Variants in ZC3H13 observed in about 807,000 individuals in gnomAD.
ZC3H13 encodes zinc finger CCCH-type containing 13, also known as zinc finger CCCH domain-containing protein 13.
In ZC3H13, 64 loss-of-function variants were observed where a neutral mutation model predicts 204.1. The observed-to-expected ratio is 0.31, with a 90% confidence interval of 0.26 to 0.39. The LOEUF is 0.39. Among genes scored for constraint, ZC3H13 ranks in the 10% least tolerant of loss-of-function variants. The probability of loss-of-function intolerance (pLI) is 1.00; values close to 1 mark genes in which losing one functional copy is unlikely to be tolerated. For missense variants in ZC3H13, 1,833 were observed against 2,082.7 expected (o/e 0.88, Z 2.33); for synonymous variants, 667 against 693.7 (o/e 0.96, Z 0.60).
At chr13:46,009,628 A>G (rs1471864804) in intron 7 of ZC3H13, among the ~76,000 whole-genome samples, 2 of 152,046 alleles carry the variant, frequency 1.3e-5, no homozygotes, top group Admixed American at 6.6e-5. Context: ...AGATAAAATT[A>G]GGGTATGGAC....
chr13:46,012,184 A>G (rs1566281593), intron 5 of ZC3H13, among the ~76,000 whole-genome samples: 3 of 152,214 alleles, frequency 2.0e-5, no homozygotes, highest in African/African-American at 7.2e-5. Flanking sequence ...ATCTGATGCC[A>G]TATTTCTATT....
intron 18 of ZC3H13, among the ~76,000 whole-genome samples, chr13:45,958,221 A>G (rs1203612728): frequency 6.6e-6 from 1 of 152,106 alleles, no homozygotes; most frequent in Non-Finnish European, 1.5e-5. Flanking sequence ...CCTACCCACT[A>G]CCCTAAATCT....
intron 4 of ZC3H13, among the ~76,000 whole-genome samples, chr13:46,023,740 A>C (rs1171027419): frequency 4.6e-5 from 7 of 152,220 alleles, no homozygotes; most frequent in Non-Finnish European, 7.3e-5. Flanking sequence ...CTTCAGGCCT[A>C]AGTGACTTAG....
Position 45,969,961 on chromosome 13 carries a change from G to A in ZC3H13, c.2583C>T (p.His861=). Residue 861 remains histidine (H), a synonymous_variant, in exon 14 of 19, where the codon CAC becomes CAT. Coordinates refer to ENST00000679008, the MANE Select transcript of ZC3H13 (RefSeq NM_001330564.2). ...GTCGTACAACTTGGCTCAAGAGTCTGTGTTTTTCATCTATATAAAAGATAA... is the reference window on the plus strand; with the variant it reads ...GTCGTACAACTTGGCTCAAGAGTCTATGTTTTTCATCTATATAAAAGATAA... ...YNSGDDKNEK[H]RLLSQVVRPQ... is the part of the protein sequence containing the mutation. 6.2e-7 allele frequency: 1 copy of A among 1,606,842 alleles called. No homozygotes were observed. The highest frequency in any genetic ancestry group is 8.5e-7 in the Non-Finnish European group (1 of 1,178,144).
chr13:46,017,768 G>C (rs752845124), intron 5 of ZC3H13, among the ~76,000 whole-genome samples: 6 of 152,090 alleles, frequency 3.9e-5, no homozygotes, highest in Non-Finnish European at 8.8e-5. Flanking sequence ...TAACAATGCA[G>C]AAGGTAAGTC....
intron 7 of ZC3H13, among the ~76,000 whole-genome samples, chr13:46,009,413 TG>T: frequency 6.6e-6 from 1 of 152,174 alleles, no homozygotes; most frequent in Admixed American, 6.5e-5. Flanking sequence ...TTCACCTGTG[TG>T]GGTGGTGGGT....
chr13:45,967,209 T>C (rs1024743870), intron 15 of ZC3H13, among the ~76,000 whole-genome samples: 2 of 152,212 alleles, frequency 1.3e-5, no homozygotes, highest in Non-Finnish European at 2.9e-5. Context: ...AAGAAAAGGA[T>C]GTGATGGTTA....
chr13:45,984,336 C>T (rs550291575), intron 10 of ZC3H13, among the ~76,000 whole-genome samples: 6 of 152,130 alleles, frequency 3.9e-5, no homozygotes, highest in African/African-American at 1.2e-4. Flanking sequence ...CACTATATAT[C>T]CTTTTATACA....
At chr13:46,010,622 G>A (rs1316096797) in intron 6 of ZC3H13, 117 bp from the exon 7 acceptor site, 8 of 1,118,468 alleles carry the variant, frequency 7.2e-6, no homozygotes, top group Middle Eastern at 3.0e-4. Context: ...ATTGCCGGGT[G>A]CAGTGGTTCA....
rs1426093626 is a variant in ZC3H13 at position 46,011,671 on chromosome 13, G to C, written c.449-117C>G. On this transcript the variant is annotated intron_variant, in intron 5 of 18. Transcript: ENST00000679008. ...ATCTAAATAGCAGAGTCTTTCATCA[G>C]GATCACATACTTCTAAAAGATAAAA... 1.2e-5 allele frequency: 8 copies of C among 652,832 alleles called. No homozygotes were observed. In the East Asian group the frequency reaches 2.2e-4, roughly 18 times the overall value. The allele number at this position is 652,832 out of a possible 1,614,324, so 40.4% of individuals were successfully genotyped here. A position where few individuals can be genotyped will look rare whatever the true frequency, so the allele number is the denominator to read the frequency against.
chr13:45,990,447 C>A (rs528123807), intron 8 of ZC3H13, among the ~76,000 whole-genome samples: 2 of 152,168 alleles, frequency 1.3e-5, no homozygotes, highest in South Asian at 4.1e-4. Flanking sequence ...AATAAAAATA[C>A]CTCTGGGTGA....
At chr13:46,037,765 G>C (rs989229130) in intron 4 of ZC3H13, among the ~76,000 whole-genome samples, 10 of 151,692 alleles carry the variant, frequency 6.6e-5, no homozygotes, top group Admixed American at 6.6e-4. Flanking sequence ...ACATTAAAAA[G>C]AAAAAAAGAT....
chr13:46,032,969 C>T (rs1033551583), intron 4 of ZC3H13, among the ~76,000 whole-genome samples: 8 of 150,846 alleles, frequency 5.3e-5, no homozygotes, highest in Admixed American at 2.6e-4. Context: ...AATTTGTGTG[C>T]ATATATATGT....
intron 6 of ZC3H13, 21 bp downstream of exon 6, chr13:46,011,394 T>C (rs2041553146): frequency 3.1e-6 from 5 of 1,589,130 alleles, no homozygotes; most frequent in African/African-American, 1.4e-5. Context: ...ACTAACATAT[T>C]TATTGCAATA....
At chr13:46,048,235 C>T (rs1447458981) in intron 1 of ZC3H13, among the ~76,000 whole-genome samples, 1 of 152,182 alleles carries the variant, frequency 6.6e-6, no homozygotes, top group African/African-American at 2.4e-5. Flanking sequence ...TGACCTATTG[C>T]TTTGCTGGTC....
intron 4 of ZC3H13, among the ~76,000 whole-genome samples, chr13:46,032,362 C>CAAA (rs11323386): frequency 1.4e-4 from 14 of 99,654 alleles, no homozygotes; most frequent in Non-Finnish European, 1.9e-4. Flanking sequence ...AGAAAAAGAC[C>CAAA]AAAAAAAAAA....
rs1566181449 is a variant in ZC3H13 at position 45,975,480 on chromosome 13, C to G, written c.2271G>C (p.Glu757Asp). 2 of 1,613,140 alleles carry G rather than the reference C, an allele frequency of 1.2e-6. No homozygotes were observed. Among genetic ancestry groups the G allele is most frequent in the Admixed American group, 3.3e-5 (2 of 59,890 alleles). Residue 757 changes from glutamate (E) to aspartate (D), a missense_variant, in exon 12 of 19, where the codon GAG becomes GAC. Glu to Asp is a conservative substitution (Grantham distance 45, BLOSUM62 2). Around this residue, in one of 5 missense-constraint regions of ZC3H13, gnomAD observed 1,574 missense variants for 1,757.2 expected, o/e 0.90. Transcript: ENST00000679008. ...TCTCCCGTTCTCGCTCTCTCTCCCT[C>G]TCTCTCTCTTCTCTTTCTCGTTCCC... ...KEREREREER[E>D]RERERERERE... is the part of the protein sequence containing the mutation.
At chr13:45,968,539 A>T (rs1952285296) in intron 14 of ZC3H13, among the ~76,000 whole-genome samples, 1 of 152,208 alleles carries the variant, frequency 6.6e-6, no homozygotes, top group Admixed American at 6.5e-5. Context: ...AAACTGATTA[A>T]CACTACTGTA....
intron 9 of ZC3H13, among the ~76,000 whole-genome samples, chr13:45,987,713 T>C (rs1222828600): frequency 6.6e-6 from 1 of 152,212 alleles, no homozygotes; most frequent in Non-Finnish European, 1.5e-5. Context: ...CGTACTCCAC[T>C]CACCAAGAGG....
Sources: allele counts gnomAD v4.1 joint callset (sites outside exome capture counted in the v4.1 genomes callset), GRCh38; gene constraint gnomAD v4.1.1; regional missense constraint gnomAD v4.1.1; transcripts MANE v1.5; gene names NCBI Gene and HGNC (gene_info 2026-07-23, HGNC 2026-07-21).